Variants in METTL21A observed in about 807,000 individuals in gnomAD.
METTL21A encodes methyltransferase 21A, HSPA lysine.
A neutral mutation model predicts 20.9 loss-of-function variants in METTL21A; 22 were observed. That is an observed-to-expected ratio of 1.05 (90% CI 0.75 to 1.50). The LOEUF (loss-of-function observed/expected upper bound fraction) is 1.50, where lower values mean the gene tolerates loss of function less well. METTL21A is among the 40% of genes most tolerant of loss of function. The probability of loss-of-function intolerance (pLI) is 0.00; values close to 1 mark genes in which losing one functional copy is unlikely to be tolerated. For missense variants in METTL21A, 271 were observed against 266.8 expected (o/e 1.02, Z -0.11); for synonymous variants, 93 against 102.0 (o/e 0.91, Z 0.53).
At chr2:207,581,602 T>G (rs1240608217), downstream of METTL21A, 2 of 336,336 alleles carry the variant, frequency 5.9e-6, no homozygotes, top group Non-Finnish European at 1.1e-5. Context: ...AATATACATT[T>G]TTAATATATT....
At chr2:207,623,442 G>A (rs1041766104) in intron 2 of METTL21A, among the ~76,000 whole-genome samples, 1 of 152,216 alleles carries the variant, frequency 6.6e-6, no homozygotes, top group African/African-American at 2.4e-5. Flanking sequence ...AGGGCAGGGA[G>A]AGGAAGAAGT....
intron 3 of METTL21A, chr2:207,582,808 G>A: frequency 6.3e-6 from 2 of 316,150 alleles, no homozygotes; most frequent in Non-Finnish European, 1.3e-5. Flanking sequence ...CAGAAGAATT[G>A]TGCGAACCTG....
At chr2:207,584,964 G>A (rs962912342) in intron 3 of METTL21A, among the ~76,000 whole-genome samples, 41 of 151,994 alleles carry the variant, frequency 2.7e-4, no homozygotes, top group African/African-American at 9.7e-4. Flanking sequence ...CATCATGCTT[G>A]TGGTATTTAT....
At chr2:207,588,728 GTTTTT>G (rs58013876) in intron 3 of METTL21A, among the ~76,000 whole-genome samples, 1 of 134,950 alleles carries the variant, frequency 7.4e-6, no homozygotes. Flanking sequence ...CTGTTTTCTG[GTTTTT>G]TTTTTTTTTG....
At chr2:207,596,469 T>C (rs903137208) in intron 3 of METTL21A, among the ~76,000 whole-genome samples, 1 of 152,198 alleles carries the variant, frequency 6.6e-6, no homozygotes, top group African/African-American at 2.4e-5. Flanking sequence ...GTCTCACTCT[T>C]GTCACTCAGG....
At chr2:207,613,062 T>C (rs1575115685) in exon 4 of METTL21A, 1 of 1,561,986 alleles carries the variant, frequency 6.4e-7, no homozygotes, top group African/African-American at 1.4e-5. Flanking sequence ...GTCCTCCTTC[T>C]GGTTTCTCTT....
downstream of METTL21A, among the ~76,000 whole-genome samples, chr2:207,606,408 G>A (rs1008261367): frequency 1.3e-5 from 2 of 152,178 alleles, no homozygotes; most frequent in African/African-American, 4.8e-5. Flanking sequence ...CTTGAACCCA[G>A]GAGGCGGAGG....
At chr2:207,582,541 T>G (rs2083101838) in intron 3 of METTL21A, among the ~76,000 whole-genome samples, 1 of 152,226 alleles carries the variant, frequency 6.6e-6, no homozygotes, top group African/African-American at 2.4e-5. Flanking sequence ...TTTATAAGTG[T>G]CTTCTGTGTC....
intron 2 of METTL21A, among the ~76,000 whole-genome samples, chr2:207,623,336 G>T (rs915650127): frequency 6.6e-6 from 1 of 152,164 alleles, no homozygotes; most frequent in Non-Finnish European, 1.5e-5. Context: ...TGTTAAAACT[G>T]TCAAACTGTA....
intron 3 of METTL21A, chr2:207,600,867 A>G (rs2106636861): frequency 4.9e-6 from 1 of 204,804 alleles, no homozygotes; most frequent in Non-Finnish European, 1.0e-5. Flanking sequence ...TTAGGAAGAA[A>G]TACGTTTGTT....
At chr2:207,622,085 C>A (rs754148361) in intron 2 of METTL21A, among the ~76,000 whole-genome samples, 168 bp from the exon 3 acceptor site, 1 of 152,024 alleles carries the variant, frequency 6.6e-6, no homozygotes, top group Non-Finnish European at 1.5e-5. Context: ...CCCCTTAGAG[C>A]AAGCACAGGG....
At chr2:207,607,946 T>C (rs377447583), downstream of METTL21A, among the ~76,000 whole-genome samples, 307 of 152,156 alleles carry the variant, frequency 2.0e-3, 3 homozygotes, top group African/African-American at 6.8e-3. Flanking sequence ...GACACTGTGG[T>C]GTGCTGCCCA....
chr2:207,619,608 G>A (rs752284603), intron 3 of METTL21A, among the ~76,000 whole-genome samples: 3 of 152,018 alleles, frequency 2.0e-5, no homozygotes, highest in Non-Finnish European at 4.4e-5. Flanking sequence ...ACACACATAC[G>A]CAGACATATA....
chr2:207,608,405 A>G (rs142325105), downstream of METTL21A, among the ~76,000 whole-genome samples: 4 of 107,816 alleles, frequency 3.7e-5, no homozygotes, highest in African/African-American at 1.5e-4. Flanking sequence ...GGACAACCCA[A>G]CTATTTCTGA....
intron 3 of METTL21A, among the ~76,000 whole-genome samples, chr2:207,588,960 A>T (rs1041685493): frequency 1.3e-5 from 2 of 151,938 alleles, no homozygotes; most frequent in East Asian, 3.9e-4. Context: ...GACAGTTTTA[A>T]TTATTTCTAA....
intron 3 of METTL21A, among the ~76,000 whole-genome samples, chr2:207,590,880 T>C (rs1283285138): frequency 6.6e-6 from 1 of 152,240 alleles, no homozygotes; most frequent in African/African-American, 2.4e-5. Flanking sequence ...ATTTCCATTT[T>C]AGCATTGGTT....
At chr2:207,597,021 A>G in intron 3 of METTL21A, 1 of 1,611,712 alleles carries the variant, frequency 6.2e-7, no homozygotes, top group Non-Finnish European at 8.5e-7. Context: ...GAGGAGCTAA[A>G]AGCACTTAAG....
intron 3 of METTL21A, among the ~76,000 whole-genome samples, chr2:207,614,447 A>G (rs2089419670): frequency 6.6e-6 from 1 of 152,124 alleles, no homozygotes; most frequent in South Asian, 2.1e-4. Context: ...AAAACAGAGA[A>G]AGGCTGTTTT....
At chr2:207,607,754 G>A (rs566520226), downstream of METTL21A, among the ~76,000 whole-genome samples, 306 of 148,860 alleles carry the variant, frequency 2.1e-3, 3 homozygotes, top group Non-Finnish European at 3.5e-3. Flanking sequence ...TGATACCACT[G>A]GATTATTTAA....
Sources: allele counts gnomAD v4.1 joint callset (sites outside exome capture counted in the v4.1 genomes callset), GRCh38; gene constraint gnomAD v4.1.1; transcripts MANE v1.5; gene names NCBI Gene and HGNC (gene_info 2026-07-23, HGNC 2026-07-21).